The following PDE3A variants were observed in gnomAD, a reference collection of about 807,000 sequenced individuals.
PDE3A encodes the protein phosphodiesterase 3A.
Under a neutral mutation model 98.3 loss-of-function variants are expected in PDE3A, and 43 were observed. The ratio of observed to expected loss-of-function variants is 0.44; its 90% CI spans 0.34 to 0.56. The LOEUF is 0.56. Ranked by LOEUF, PDE3A falls within the 20% of genes least tolerant of loss-of-function variation. The pLI is 0.01. For missense variants in PDE3A, 1,427 were observed against 1,440.7 expected (o/e 0.99, Z 0.15); for synonymous variants, 663 against 567.9 (o/e 1.17, Z -2.38).
chr12:20,374,919 G>C (rs1348060370), intron 1 of PDE3A, among the ~76,000 whole-genome samples: 1 of 151,936 alleles, frequency 6.6e-6, no homozygotes, highest in African/African-American at 2.4e-5. Flanking sequence ...CTGGATGTGT[G>C]AAGATAATCA....
At chr12:20,377,508 CTACCA>C (rs752337085) in intron 1 of PDE3A, among the ~76,000 whole-genome samples, 1 of 151,716 alleles carries the variant, frequency 6.6e-6, no homozygotes, top group Non-Finnish European at 1.5e-5. Context: ...TGGCTAATGG[CTACCA>C]TATTGGACAG....
intron 1 of PDE3A, among the ~76,000 whole-genome samples, chr12:20,374,449 A>G (rs1459291701): frequency 6.6e-6 from 1 of 152,088 alleles, no homozygotes; most frequent in Non-Finnish European, 1.5e-5. Context: ...TAAATAAACA[A>G]CCAGAACAGT....
At chr12:20,629,693 A>AT (rs1007709610) in intron 5 of PDE3A, among the ~76,000 whole-genome samples, 1 of 151,854 alleles carries the variant, frequency 6.6e-6, no homozygotes, top group African/African-American at 2.4e-5. Flanking sequence ...CATTGCCACT[A>AT]TTTTTTTTAT....
chr12:20,676,968 T>A (rs1945657384), intron 15 of PDE3A, among the ~76,000 whole-genome samples: 1 of 152,200 alleles, frequency 6.6e-6, no homozygotes, highest in Admixed American at 6.5e-5. Flanking sequence ...CCCTTTTATT[T>A]TCTTTTCACC....
intron 1 of PDE3A, among the ~76,000 whole-genome samples, chr12:20,543,556 T>C (rs1198378010): frequency 6.6e-6 from 1 of 152,040 alleles, no homozygotes; most frequent in African/African-American, 2.4e-5. Flanking sequence ...CAGAAAACCA[T>C]TGATTCAGTA....
chr12:20,457,271 C>G (rs1591952556), intron 1 of PDE3A, among the ~76,000 whole-genome samples: 1 of 150,584 alleles, frequency 6.6e-6, no homozygotes, highest in Non-Finnish European at 1.5e-5. Flanking sequence ...TTATTCTATT[C>G]TAAATTTTCT....
At chr12:20,468,388 C>A (rs1945380103) in intron 1 of PDE3A, among the ~76,000 whole-genome samples, 1 of 152,134 alleles carries the variant, frequency 6.6e-6, no homozygotes, top group South Asian at 2.1e-4. Context: ...CTCTCTGAAT[C>A]TCATTCTGTA....
At chr12:20,475,603 G>A (rs1301038999) in intron 1 of PDE3A, among the ~76,000 whole-genome samples, 1 of 151,962 alleles carries the variant, frequency 6.6e-6, no homozygotes, top group Non-Finnish European at 1.5e-5. Context: ...GTTGGCACAT[G>A]CCTGTGGTCC....
chr12:20,674,325 G>A (rs1404711965), intron 15 of PDE3A, among the ~76,000 whole-genome samples: 3 of 152,070 alleles, frequency 2.0e-5, no homozygotes, highest in African/African-American at 4.8e-5. Context: ...AGGACTTCTA[G>A]TACAATTTTG....
chr12:20,629,653 C>T (rs773050881), intron 5 of PDE3A, among the ~76,000 whole-genome samples: 8 of 152,162 alleles, frequency 5.3e-5, no homozygotes, highest in Non-Finnish European at 7.3e-5. Flanking sequence ...AGTTACTCCA[C>T]GACACCAGGG....
At chr12:20,478,141 G>A (rs1211143968) in intron 1 of PDE3A, among the ~76,000 whole-genome samples, 2 of 152,086 alleles carry the variant, frequency 1.3e-5, no homozygotes, top group East Asian at 3.8e-4. Context: ...TTAGCTTTAG[G>A]AATTCTTCTT....
At chr12:20,529,215 C>T (rs1946579006) in intron 1 of PDE3A, among the ~76,000 whole-genome samples, 1 of 152,114 alleles carries the variant, frequency 6.6e-6, no homozygotes, top group Non-Finnish European at 1.5e-5. Context: ...GTAGCACAGT[C>T]CTCACCAAGT....
At chr12:20,529,353 G>A (rs896324813) in intron 1 of PDE3A, among the ~76,000 whole-genome samples, 1 of 152,092 alleles carries the variant, frequency 6.6e-6, no homozygotes, top group African/African-American at 2.4e-5. Context: ...TCCCTATTAT[G>A]TAGTTGAGAA....
intron 15 of PDE3A, among the ~76,000 whole-genome samples, chr12:20,667,879 C>T (rs1352734189): frequency 1.3e-5 from 2 of 152,192 alleles, no homozygotes; most frequent in African/African-American, 2.4e-5. Context: ...CTCCGGTCTA[C>T]AGCTCCCAGC....
intron 1 of PDE3A, among the ~76,000 whole-genome samples, chr12:20,542,346 AT>A (rs1444413250): frequency 2.6e-5 from 4 of 152,004 alleles, no homozygotes; most frequent in Non-Finnish European, 5.9e-5. Flanking sequence ...AAAATTACCT[AT>A]TTATCAATTT....
chr12:20,421,916 TA>T (rs1469016178), intron 1 of PDE3A, among the ~76,000 whole-genome samples: 1 of 152,246 alleles, frequency 6.6e-6, no homozygotes, highest in East Asian at 1.9e-4. Flanking sequence ...GGCTGTGTTG[TA>T]ACTGTGTTTT....
At chr12:20,531,563 A>G (rs961519179) in intron 1 of PDE3A, among the ~76,000 whole-genome samples, 6 of 152,162 alleles carry the variant, frequency 3.9e-5, no homozygotes, top group African/African-American at 1.2e-4. Context: ...ATAAGACAGT[A>G]GTAGCCTATC....
chr12:20,485,401 T>G (rs1591979501), intron 1 of PDE3A, among the ~76,000 whole-genome samples: 1 of 152,274 alleles, frequency 6.6e-6, no homozygotes, highest in East Asian at 1.9e-4. Context: ...TCAAATAAGG[T>G]CATGTTTATT....
At chr12:20,646,654 GTTTT>G (rs781644412) in intron 11 of PDE3A, 51 bp downstream of exon 11, 1 of 1,383,628 alleles carries the variant, frequency 7.2e-7, no homozygotes, top group Non-Finnish European at 1.0e-6. Flanking sequence ...GAACAAGGGT[GTTTT>G]TGTTTTTGTT....
Sources: gnomAD v4.1 joint callset for allele counts (sites outside exome capture counted in the v4.1 genomes callset) on GRCh38, gnomAD v4.1.1 for gene constraint, MANE v1.5 for transcripts, NCBI Gene and HGNC (gene_info 2026-07-23, HGNC 2026-07-21) for gene names.